MIR2052HG: variants seen among roughly 807,000 people sequenced by gnomAD.
MIR2052HG encodes MIR2052 host gene.
chr8:74,666,155 C>T (rs775385289), intron 2 of MIR2052HG, among the ~76,000 whole-genome samples: 4 of 152,156 alleles, frequency 2.6e-5, no homozygotes, highest in Non-Finnish European at 5.9e-5. Flanking sequence ...AAGCCACCAG[C>T]ATTTCTCATG....
chr8:74,638,035 G>GTATT (rs1183179933), intron 2 of MIR2052HG, among the ~76,000 whole-genome samples: 3 of 152,058 alleles, frequency 2.0e-5, no homozygotes, highest in Non-Finnish European at 4.4e-5. Flanking sequence ...ATTGTGATGA[G>GTATT]TATTATAAAA....
chr8:74,696,864 G>A (rs1809301839), intron 2 of MIR2052HG, among the ~76,000 whole-genome samples: 1 of 151,896 alleles, frequency 6.6e-6, no homozygotes, highest in Admixed American at 6.6e-5. Flanking sequence ...GGACCAGATG[G>A]TTTCACAGCT....
chr8:74,700,939 G>C (rs1809351152), intron 2 of MIR2052HG, among the ~76,000 whole-genome samples: 1 of 152,042 alleles, frequency 6.6e-6, no homozygotes, highest in Non-Finnish European at 1.5e-5. Context: ...CACTGGTGGA[G>C]CTAATAGTCT....
At chr8:74,689,763 A>C (rs1263598403) in intron 2 of MIR2052HG, among the ~76,000 whole-genome samples, 1 of 152,254 alleles carries the variant, frequency 6.6e-6, no homozygotes, top group African/African-American at 2.4e-5. Flanking sequence ...TCTATAATAC[A>C]GATAATATTT....
At chr8:74,609,468 C>A (rs1312900452) in intron 1 of MIR2052HG, among the ~76,000 whole-genome samples, 1 of 151,622 alleles carries the variant, frequency 6.6e-6, no homozygotes, top group Non-Finnish European at 1.5e-5. Context: ...ACTCAAACAC[C>A]AAAACCAGAC....
At chr8:74,720,299 C>T (rs1809562878) in intron 4 of MIR2052HG, among the ~76,000 whole-genome samples, 1 of 152,226 alleles carries the variant, frequency 6.6e-6, no homozygotes, top group Admixed American at 6.5e-5. Context: ...TCTCTCTCAG[C>T]AGATCTGTGT....
chr8:74,618,326 C>A (rs1201660993), intron 2 of MIR2052HG, among the ~76,000 whole-genome samples: 2 of 152,166 alleles, frequency 1.3e-5, no homozygotes, highest in Non-Finnish European at 2.9e-5. Flanking sequence ...TATTAATTTT[C>A]TCCTCCTATC....
intron 5 of MIR2052HG, among the ~76,000 whole-genome samples, chr8:74,755,339 AT>A (rs1809988418): frequency 6.6e-6 from 1 of 152,238 alleles, no homozygotes; most frequent in Non-Finnish European, 1.5e-5. Flanking sequence ...AAGATAAACA[AT>A]GCCAAAAGAC....
chr8:74,738,797 G>T (rs1030045441), intron 4 of MIR2052HG, among the ~76,000 whole-genome samples: 1 of 152,122 alleles, frequency 6.6e-6, no homozygotes, highest in Non-Finnish European at 1.5e-5. Context: ...CCTACAGTGG[G>T]CATATAATCA....
intron 2 of MIR2052HG, among the ~76,000 whole-genome samples, chr8:74,690,301 A>G (rs2128739848): frequency 6.6e-6 from 1 of 152,324 alleles, no homozygotes; most frequent in East Asian, 1.9e-4. Context: ...AAGACCTGTC[A>G]TCTGAGGTCA....
chr8:74,671,270 A>T (rs965230011), intron 2 of MIR2052HG, among the ~76,000 whole-genome samples: 1 of 152,112 alleles, frequency 6.6e-6, no homozygotes, highest in Non-Finnish European at 1.5e-5. Flanking sequence ...AGAAACTCCT[A>T]TGCATTTTGT....
At chr8:74,719,115 C>T (rs1320796792) in intron 4 of MIR2052HG, among the ~76,000 whole-genome samples, 1 of 149,950 alleles carries the variant, frequency 6.7e-6, no homozygotes, top group African/African-American at 2.5e-5. Context: ...AAATACTCAC[C>T]TATTCCTCAA....
chr8:74,726,850 A>G (rs1467784044), intron 4 of MIR2052HG, among the ~76,000 whole-genome samples: 3 of 152,204 alleles, frequency 2.0e-5, no homozygotes, highest in South Asian at 4.1e-4. Context: ...TGTTTATAGC[A>G]CTAAGTGACT....
At chr8:74,754,216 CATG>C (rs1187230044) in intron 5 of MIR2052HG, among the ~76,000 whole-genome samples, 1 of 152,202 alleles carries the variant, frequency 6.6e-6, no homozygotes, top group African/African-American at 2.4e-5. Context: ...ACATAGGAAG[CATG>C]ATAAGTATAT....
intron 2 of MIR2052HG, among the ~76,000 whole-genome samples, chr8:74,661,218 T>C (rs111470068): frequency 0.1 from 15,335 of 149,740 alleles, 1,823 homozygotes; most frequent in African/African-American, 0.29. Context: ...TTTTTTTTTT[T>C]CGAGACAGAG....
intron 4 of MIR2052HG, among the ~76,000 whole-genome samples, chr8:74,717,528 G>C (rs1000071982): frequency 2.0e-5 from 3 of 152,152 alleles, no homozygotes; most frequent in Admixed American, 6.5e-5. Flanking sequence ...ATAATTAAAA[G>C]TAATGCTAGC....
chr8:74,672,131 AAC>A (rs1475556857), intron 2 of MIR2052HG, among the ~76,000 whole-genome samples: 1 of 152,126 alleles, frequency 6.6e-6, no homozygotes, highest in East Asian at 1.9e-4. Context: ...ATTATTATAA[AAC>A]AGTTATCAAA....
At chr8:74,601,297 T>C (rs930564415) in intron 1 of MIR2052HG, among the ~76,000 whole-genome samples, 1 of 152,252 alleles carries the variant, frequency 6.6e-6, no homozygotes, top group Non-Finnish European at 1.5e-5. Flanking sequence ...GAATTGCCAT[T>C]CCTGGAACTT....
chr8:74,728,103 G>A (rs536418228), intron 4 of MIR2052HG, among the ~76,000 whole-genome samples: 29 of 152,292 alleles, frequency 1.9e-4, no homozygotes, highest in Non-Finnish European at 3.4e-4. Context: ...TTTTGTAGCA[G>A]AATAAATAGC....
Sources: gnomAD v4.1 joint callset for allele counts (sites outside exome capture counted in the v4.1 genomes callset) on GRCh38, gnomAD v4.1.1 for gene constraint, MANE v1.5 for transcripts, NCBI Gene and HGNC (gene_info 2026-07-23, HGNC 2026-07-21) for gene names.